ABR: variants seen among roughly 807,000 people sequenced by gnomAD.
ABR encodes ABR activator of RhoGEF and GTPase, also known as active breakpoint cluster region-related protein.
A neutral mutation model predicts 107.2 loss-of-function variants in ABR; 35 were observed. The ratio of observed to expected loss-of-function variants is 0.33; its 90% CI spans 0.25 to 0.43. ABR has a LOEUF of 0.43. Ranked by LOEUF, ABR falls within the 20% of genes least tolerant of loss-of-function variation. ABR has a pLI of 1.00. For synonymous variants in ABR, 498 were observed against 462.0 expected (o/e 1.08, Z -1.00); for missense variants, 815 against 1,115.2 (o/e 0.73, Z 3.83).
At chr17:1,133,505 T>C (rs1258910539) in intron 1 of ABR, among the ~76,000 whole-genome samples, 1 of 151,474 alleles carries the variant, frequency 6.6e-6, no homozygotes, top group East Asian at 1.9e-4. Flanking sequence ...TTAAAAACTA[T>C]ATGGATGATG....
chr17:1,012,982 G>T, intron 17 of ABR, 123 bp downstream of exon 17: 1 of 1,251,832 alleles, frequency 8.0e-7, no homozygotes, highest in Non-Finnish European at 1.2e-6. Flanking sequence ...AGGGGGCTGG[G>T]CTGCGGGGAG....
At chr17:1,190,730 C>T (rs902733198), upstream of ABR, among the ~76,000 whole-genome samples, 5 of 152,072 alleles carry the variant, frequency 3.3e-5, no homozygotes, top group African/African-American at 9.7e-5. Context: ...GGTGGGTGCC[C>T]GTCCCGTCTG....
chr17:1,076,728 G>GGGC (rs1267959969), intron 6 of ABR, among the ~76,000 whole-genome samples: 10 of 117,890 alleles, frequency 8.5e-5, no homozygotes, highest in African/African-American at 4.0e-4. Context: ...GGGGGTGGGG[G>GGGC]TGGGGGGGGT....
chr17:1,181,408 A>G (rs1355282819), upstream of ABR, among the ~76,000 whole-genome samples: 1 of 150,798 alleles, frequency 6.6e-6, no homozygotes, highest in African/African-American at 2.4e-5. Flanking sequence ...TGGCTGCAGC[A>G]GAAGTGGTTT....
intron 1 of ABR, among the ~76,000 whole-genome samples, chr17:1,192,625 A>C (rs1229525084): frequency 6.6e-6 from 1 of 151,704 alleles, no homozygotes; most frequent in African/African-American, 2.4e-5. Flanking sequence ...AAAAATACAA[A>C]AAATTAGCTG....
At chr17:1,146,020 A>G (rs2040509317) in intron 1 of ABR, among the ~76,000 whole-genome samples, 1 of 152,164 alleles carries the variant, frequency 6.6e-6, no homozygotes, top group African/African-American at 2.4e-5. Flanking sequence ...GTGCCTCAAA[A>G]GTCACCTCCT....
chr17:1,026,909 C>A (rs557768548), intron 16 of ABR, among the ~76,000 whole-genome samples: 1 of 152,206 alleles, frequency 6.6e-6, no homozygotes, highest in Non-Finnish European at 1.5e-5. Flanking sequence ...AGACTCACAC[C>A]TGCAGGCTTG....
At chr17:1,090,653 A>G (rs547550263) in intron 4 of ABR, among the ~76,000 whole-genome samples, 1 of 152,354 alleles carries the variant, frequency 6.6e-6, no homozygotes, top group Non-Finnish European at 1.5e-5. Flanking sequence ...TAGAGGTCCT[A>G]GGAGTGTCCA....
chr17:1,103,746 C>T lies in ABR; in HGVS notation c.247-3011G>A, dbSNP rs537154807. ...AGAGTCCTGCTCTGGGCCCCGTTCA[C>T]GCTGCAGTTTTGGCTGAGATTGGAG... On this transcript the variant is annotated intron_variant, in intron 2 of 22. Coordinates refer to ENST00000302538, the MANE Select transcript of ABR (RefSeq NM_021962.5). 1.3e-4 allele frequency among the ~76,000 whole-genome samples: 20 copies of T among 152,290 alleles called. No individual in the cohort carries two copies. The South Asian group carries it at 3.9e-3, about 30-fold the overall frequency.
intron 1 of ABR, among the ~76,000 whole-genome samples, chr17:1,142,994 GACAGCTCATTCCTGGGGA>G (rs2040357399): frequency 6.7e-6 from 1 of 148,618 alleles, no homozygotes; most frequent in Admixed American, 6.7e-5. Context: ...GCTCCTGGGG[GACAGCTCATTCCTGGGGA>G]CAGCTCGCTC....
chr17:1,205,936 G>A lies in ABR; in HGVS notation c.838+22857C>T, dbSNP rs576560758. 5.3e-5 allele frequency among the ~76,000 whole-genome samples: 8 copies of A among 151,516 alleles called. No homozygotes were observed. In the East Asian group the frequency reaches 5.8e-4, roughly 11 times the overall value. ...CAGCCTGGCGCCAGAGCAAGACTCCGACTCGAAAAAAGAAAAAAAAAATAC... is the reference window on the plus strand; with the variant it reads ...CAGCCTGGCGCCAGAGCAAGACTCCAACTCGAAAAAAGAAAAAAAAAATAC... On this transcript the variant is annotated intron_variant, in intron 1 of 22. Transcript: ENST00000574139.
intron 16 of ABR, among the ~76,000 whole-genome samples, chr17:1,015,235 G>A (rs560530899): frequency 1.1e-3 from 162 of 151,876 alleles, no homozygotes; most frequent in African/African-American, 3.7e-3. Flanking sequence ...TGGCCAACAT[G>A]ACAAAACCCT....
At chr17:1,059,243 G>A (rs1036439705) in intron 10 of ABR, among the ~76,000 whole-genome samples, 8 of 152,260 alleles carry the variant, frequency 5.3e-5, no homozygotes, top group South Asian at 4.1e-4. Context: ...CAGGGCTGCC[G>A]ACATAACGGA....
At chr17:1,101,707 C>T (rs546711462) in intron 2 of ABR, among the ~76,000 whole-genome samples, 19 of 152,050 alleles carry the variant, frequency 1.2e-4, no homozygotes, top group African/African-American at 3.4e-4. Flanking sequence ...GTGGCTTAGA[C>T]TCTAGTGGGA....
At chr17:1,191,357 T>TTC (rs1164848861), upstream of ABR, among the ~76,000 whole-genome samples, 40 of 124,794 alleles carry the variant, frequency 3.2e-4, no homozygotes, top group Non-Finnish European at 4.1e-4. Context: ...TTCTTTTCTT[T>TTC]TTTTTTTTTT....
intron 12 of ABR, among the ~76,000 whole-genome samples, chr17:1,057,340 GT>G (rs2033424207): frequency 1.0e-5 from 1 of 97,726 alleles, no homozygotes; most frequent in African/African-American, 3.3e-5. Context: ...GTGTGTGTGT[GT>G]GTGTGTGTGT....
chr17:1,168,445 A>G (rs1207140696), intron 1 of ABR, among the ~76,000 whole-genome samples: 2 of 152,194 alleles, frequency 1.3e-5, no homozygotes, highest in African/African-American at 2.4e-5. Context: ...TGAGGCTTGA[A>G]GCTGGTTAGA....
At chr17:1,228,151 G>A (rs1338930724) in intron 1 of ABR, 2 of 152,394 alleles carry the variant, frequency 1.3e-5, no homozygotes, top group East Asian at 1.9e-4. Context: ...ATGGGCCTAA[G>A]CCTCCCCTTG....
intron 1 of ABR, among the ~76,000 whole-genome samples, chr17:1,199,594 G>A (rs1444486874): frequency 2.0e-5 from 3 of 149,098 alleles, no homozygotes; most frequent in Middle Eastern, 3.2e-3. Context: ...GATTACAGAC[G>A]CCCGCCACCA....
Sources: allele counts gnomAD v4.1 joint callset (sites outside exome capture counted in the v4.1 genomes callset), GRCh38; gene constraint gnomAD v4.1.1; transcripts MANE v1.5; gene names NCBI Gene and HGNC (gene_info 2026-07-23, HGNC 2026-07-21).